Variants in PDE10A observed in about 807,000 individuals in gnomAD.
PDE10A encodes phosphodiesterase 10A, also known as cAMP and cAMP-inhibited cGMP 3',5'-cyclic phosphodiesterase 10A.
In PDE10A, 39 loss-of-function variants were observed where a neutral mutation model predicts 97.7. That is an observed-to-expected ratio of 0.40 (90% CI 0.31 to 0.52). PDE10A has a LOEUF of 0.52. PDE10A is among the 20% of genes least tolerant of loss of function. The probability of loss-of-function intolerance (pLI) is 0.56; values close to 1 mark genes in which losing one functional copy is unlikely to be tolerated. For synonymous variants in PDE10A, 371 were observed against 376.8 expected (o/e 0.98, Z 0.18); for missense variants, 731 against 1,047.8 (o/e 0.70, Z 4.17).
chr6:165,823,503 TA>T (rs1779634966), intron 1 of PDE10A, among the ~76,000 whole-genome samples: 4 of 125,770 alleles, frequency 3.2e-5, no homozygotes, highest in Non-Finnish European at 5.0e-5. Context: ...TATATATATA[TA>T]TATATATATA....
intron 1 of PDE10A, among the ~76,000 whole-genome samples, chr6:165,708,533 G>T (rs905135363): frequency 3.3e-5 from 5 of 151,872 alleles, no homozygotes; most frequent in African/African-American, 4.8e-5. Context: ...CCCCAAACAC[G>T]GTTCTCAGTG....
At position 165,431,445 on chromosome 6, in the gene PDE10A, A is replaced by G; in HGVS notation, c.1519T>C (p.Ser507Pro). 6.3e-7 allele frequency: 1 copy of G among 1,599,922 alleles called. No homozygotes were observed. Among genetic ancestry groups the G allele is most frequent in the Non-Finnish European group, 8.5e-7 (1 of 1,171,870 alleles). Residue 507 changes from serine to proline, a missense_variant, in exon 8 of 22, where the codon TCA becomes CCA. Ser to Pro is a moderately conservative substitution (Grantham distance 74). Around this residue, in one of 8 missense-constraint regions of PDE10A, gnomAD observed 152 missense variants for 199.3 expected, o/e 0.76. Coordinates refer to ENST00000539869, the MANE Select transcript of PDE10A (RefSeq NM_001385079.1). The stretch of plus-strand genomic sequence containing the variant: ...ACCTGCACCTGATGTATTGCTACTG[A>G]AGCCCAGGCAAGATTTGCTGTTGCA... ...EVATANLAWA[S>P]VAIHQVQVCR...
chr6:165,550,356 T>C (rs1783951402), intron 1 of PDE10A, among the ~76,000 whole-genome samples: 1 of 152,238 alleles, frequency 6.6e-6, no homozygotes, highest in South Asian at 2.1e-4. Flanking sequence ...TAATTTCTTC[T>C]GTGTTTAGCC....
At chr6:165,395,503 G>C (rs1212693795) in intron 14 of PDE10A, among the ~76,000 whole-genome samples, 1 of 152,028 alleles carries the variant, frequency 6.6e-6, no homozygotes, top group African/African-American at 2.4e-5. Flanking sequence ...TAATCTGTTT[G>C]AAAATGATGC....
At chr6:165,475,741 C>T (rs1443842705) in intron 3 of PDE10A, among the ~76,000 whole-genome samples, 1 of 152,176 alleles carries the variant, frequency 6.6e-6, no homozygotes, top group East Asian at 1.9e-4. Flanking sequence ...TCATGATTCA[C>T]TAACTGAATT....
intron 1 of PDE10A, among the ~76,000 whole-genome samples, chr6:165,906,949 A>G (rs1782303683): frequency 6.6e-6 from 1 of 152,218 alleles, no homozygotes; most frequent in Non-Finnish European, 1.5e-5. Context: ...TGCAGAAGGA[A>G]GGAATGCAAG....
chr6:165,641,525 C>A (rs1190754445), intron 1 of PDE10A, among the ~76,000 whole-genome samples: 2 of 137,704 alleles, frequency 1.5e-5, no homozygotes, highest in Non-Finnish European at 3.3e-5. Context: ...GCAAATGCTT[C>A]CCCAGCAATG....
At chr6:165,551,830 C>T (rs1009792600) in intron 1 of PDE10A, among the ~76,000 whole-genome samples, 1 of 152,198 alleles carries the variant, frequency 6.6e-6, no homozygotes, top group Non-Finnish European at 1.5e-5. Context: ...GGAAAGAAAT[C>T]TTTGTAGCAG....
chr6:165,924,765 C>T (rs968656219), intron 1 of PDE10A, among the ~76,000 whole-genome samples: 1 of 152,132 alleles, frequency 6.6e-6, no homozygotes, highest in Non-Finnish European at 1.5e-5. Context: ...GAAATTAACC[C>T]AAAATGGATC....
intron 5 of PDE10A, among the ~76,000 whole-genome samples, chr6:165,442,650 C>T (rs570653924): frequency 1.3e-5 from 2 of 152,234 alleles, no homozygotes; most frequent in South Asian, 4.1e-4. Context: ...CCAGGTCCTT[C>T]CCTTGATATG....
intron 1 of PDE10A, among the ~76,000 whole-genome samples, chr6:165,672,303 A>C (rs1465234088): frequency 6.6e-6 from 1 of 152,242 alleles, no homozygotes; most frequent in Non-Finnish European, 1.5e-5. Context: ...ATAAGCTGAA[A>C]ATATCCTAAG....
At chr6:165,386,637 A>G (rs1035098838) in intron 17 of PDE10A, among the ~76,000 whole-genome samples, 1 of 152,204 alleles carries the variant, frequency 6.6e-6, no homozygotes, top group African/African-American at 2.4e-5. Context: ...TTTACAAAAA[A>G]GCATGTTTTA....
chr6:165,463,500 T>TA (rs1167228375), intron 3 of PDE10A, among the ~76,000 whole-genome samples: 5 of 152,356 alleles, frequency 3.3e-5, no homozygotes, highest in African/African-American at 9.6e-5. Context: ...TTAATATGGA[T>TA]AAAAACACTT....
Position 165,328,194 on chromosome 6 carries a change from T to TG in PDE10A, c.*4830dup, listed in dbSNP as rs976958507. 1 of 152,148 alleles carries TG rather than the reference T, an allele frequency of 6.6e-6. No homozygotes were observed. The highest frequency in any genetic ancestry group is 1.5e-5 in the Non-Finnish European group (1 of 68,034). The allele number at this position is 152,148 out of a possible 1,614,324, so 9.4% of individuals were successfully genotyped here. ...CATATACACCATACAACAGATCATA[T>TG]GGAAAATAATATTCCTATATGTCAT... On this transcript the variant is annotated 3_prime_UTR_variant, in exon 22 of 22. Coordinates refer to ENST00000539869, the MANE Select transcript of PDE10A (RefSeq NM_001385079.1).
chr6:165,727,863 T>C (rs946818684), intron 1 of PDE10A, among the ~76,000 whole-genome samples: 3 of 152,210 alleles, frequency 2.0e-5, no homozygotes, highest in South Asian at 2.1e-4. Context: ...CTGAAATAGA[T>C]ACAAATCTAA....
intron 13 of PDE10A, among the ~76,000 whole-genome samples, chr6:165,403,675 A>G (rs1235484457): frequency 6.6e-6 from 1 of 152,224 alleles, no homozygotes; most frequent in Non-Finnish European, 1.5e-5. Context: ...CATTAGTCAA[A>G]TTAAATTGAT....
chr6:165,627,161 T>C (rs1192726224), intron 1 of PDE10A, among the ~76,000 whole-genome samples: 1 of 152,202 alleles, frequency 6.6e-6, no homozygotes, highest in African/African-American at 2.4e-5. Context: ...ATTCAAGTTA[T>C]AGGGATGCTT....
At chr6:165,896,156 C>A (rs893454180) in intron 1 of PDE10A, among the ~76,000 whole-genome samples, 8 of 152,120 alleles carry the variant, frequency 5.3e-5, no homozygotes, top group Admixed American at 3.3e-4. Flanking sequence ...ACCCAAACAC[C>A]TCCCAGACCA....
At chr6:165,509,397 T>G (rs992912505) in intron 2 of PDE10A, among the ~76,000 whole-genome samples, 28 of 152,006 alleles carry the variant, frequency 1.8e-4, no homozygotes, top group African/African-American at 6.5e-4. Flanking sequence ...GCTATAAACA[T>G]GTGAAATTAT....
Sources: gnomAD v4.1 joint callset for allele counts (sites outside exome capture counted in the v4.1 genomes callset) on GRCh38, gnomAD v4.1.1 for gene constraint, gnomAD v4.1.1 regional missense constraint, MANE v1.5 for transcripts, NCBI Gene and HGNC (gene_info 2026-07-23, HGNC 2026-07-21) for gene names.